Variants in MYO3B observed in about 807,000 individuals in gnomAD.
The protein encoded by MYO3B is myosin IIIB.
Under a neutral mutation model 174.6 loss-of-function variants are expected in MYO3B, and 156 were observed. The observed-to-expected ratio is 0.89, with a 90% CI of 0.78 to 1.02. The LOEUF is 1.02. Among genes scored for constraint, MYO3B ranks in the 50% least tolerant of loss-of-function variants. The pLI is 0.00. For synonymous variants in MYO3B, 563 were observed against 569.1 expected (o/e 0.99, Z 0.15); for missense variants, 1,632 against 1,639.4 (o/e 1.00, Z 0.08).
At chr2:170,611,932 G>T (rs1324628968) in intron 32 of MYO3B, among the ~76,000 whole-genome samples, 2 of 151,982 alleles carry the variant, frequency 1.3e-5, no homozygotes, top group Non-Finnish European at 2.9e-5. Context: ...TTTCCTCCTT[G>T]GCCCAAAAAT....
chr2:170,409,010 T>G (rs2094528751), intron 22 of MYO3B, among the ~76,000 whole-genome samples: 1 of 152,082 alleles, frequency 6.6e-6, no homozygotes, highest in Non-Finnish European at 1.5e-5. Flanking sequence ...GACCCAGGGA[T>G]GTAGACTCCT....
At chr2:170,322,113 GAAA>G (rs56152648) in intron 7 of MYO3B, among the ~76,000 whole-genome samples, 21 of 86,000 alleles carry the variant, frequency 2.4e-4, no homozygotes, top group African/African-American at 8.0e-4. Flanking sequence ...ACTCCGTCTC[GAAA>G]AAAAAAAAAA....
At chr2:170,268,277 C>T (rs2093399415) in intron 7 of MYO3B, among the ~76,000 whole-genome samples, 1 of 152,082 alleles carries the variant, frequency 6.6e-6, no homozygotes, top group South Asian at 2.1e-4. Context: ...AAGTAGGATC[C>T]TGTTGACTGT....
At chr2:170,589,902 C>T (rs1693716895) in intron 32 of MYO3B, among the ~76,000 whole-genome samples, 1 of 152,160 alleles carries the variant, frequency 6.6e-6, no homozygotes, top group South Asian at 2.1e-4. Flanking sequence ...TACAGAGGTA[C>T]CATTTTTTAT....
At chr2:170,571,450 G>A (rs1692434115) in intron 32 of MYO3B, among the ~76,000 whole-genome samples, 1 of 152,112 alleles carries the variant, frequency 6.6e-6, no homozygotes, top group Admixed American at 6.5e-5. Flanking sequence ...CAGGAGATGA[G>A]CTGGAGAGAG....
At chr2:170,182,840 C>T (rs1222342939) in intron 1 of MYO3B, among the ~76,000 whole-genome samples, 2 of 152,010 alleles carry the variant, frequency 1.3e-5, no homozygotes, top group Non-Finnish European at 2.9e-5. Flanking sequence ...AACTCCTGAC[C>T]TCAAGTGATC....
intron 18 of MYO3B, among the ~76,000 whole-genome samples, chr2:170,402,006 A>G (rs1457331043): frequency 6.6e-6 from 1 of 152,108 alleles, no homozygotes; most frequent in East Asian, 1.9e-4. Flanking sequence ...AGTGAGATCC[A>G]GGACAGTTGA....
intron 32 of MYO3B, among the ~76,000 whole-genome samples, chr2:170,547,963 C>T (rs1435251308): frequency 6.6e-6 from 1 of 151,678 alleles, no homozygotes; most frequent in African/African-American, 2.4e-5. Context: ...GGTTTGTAGC[C>T]GGGCGTGGTG....
intron 16 of MYO3B, among the ~76,000 whole-genome samples, chr2:170,393,617 A>G (rs2094427795): frequency 6.6e-6 from 1 of 152,172 alleles, no homozygotes; most frequent in African/African-American, 2.4e-5. Flanking sequence ...AAGGGATTAG[A>G]TTACAAGACA....
chr2:170,497,029 C>T, intron 25 of MYO3B, among the ~76,000 whole-genome samples: 1 of 152,022 alleles, frequency 6.6e-6, no homozygotes. Flanking sequence ...GACACACCAC[C>T]CCCAAATATG....
intron 32 of MYO3B, among the ~76,000 whole-genome samples, chr2:170,619,737 C>CCTTTTTTTTTT (rs1695739656): frequency 2.0e-5 from 1 of 50,778 alleles, no homozygotes; most frequent in African/African-American, 8.3e-5. Flanking sequence ...CTGCCATATT[C>CCTTTTTTTTTT]TTTTTTTTTT....
At chr2:170,624,104 G>T (rs1000440802) in intron 32 of MYO3B, among the ~76,000 whole-genome samples, 21 of 152,128 alleles carry the variant, frequency 1.4e-4, no homozygotes, top group African/African-American at 5.1e-4. Context: ...TTCCAATTCT[G>T]TGAAGAAAGT....
chr2:170,632,682 A>G (rs1697112255), intron 32 of MYO3B, among the ~76,000 whole-genome samples: 3 of 152,210 alleles, frequency 2.0e-5, no homozygotes, highest in African/African-American at 4.8e-5. Context: ...CAAAAAAACC[A>G]ACGAATCCAG....
chr2:170,364,277 A>G (rs1050949238), intron 8 of MYO3B, among the ~76,000 whole-genome samples: 1 of 68,216 alleles, frequency 1.5e-5, no homozygotes, highest in African/African-American at 3.4e-5. Context: ...GGGCTCAAAT[A>G]GAATTAAACT....
rs1692820020 is a variant in MYO3B, at chr2:170,576,869, A to G, written c.3733+32881A>G. On this transcript the variant is annotated intron_variant, in intron 32 of 34. Coordinates refer to ENST00000408978, the MANE Select transcript of MYO3B (RefSeq NM_138995.5). ...GGGTCTGAATCACCAGCGGTTCTGC[A>G]GATTTCTGCTTGCTGTAGTTTTCTG... 2.0e-5 allele frequency among the ~76,000 whole-genome samples: 3 copies of G among 152,144 alleles called. No homozygotes were observed. The South Asian group carries it at 6.2e-4, about 32-fold the overall frequency.
chr2:170,478,773 G>C (rs542113207), intron 25 of MYO3B, among the ~76,000 whole-genome samples: 32 of 149,908 alleles, frequency 2.1e-4, no homozygotes, highest in Non-Finnish European at 4.3e-4. Context: ...GTTTCACCAT[G>C]TTGGCCAGGC....
chr2:170,234,174 AAAAAAAAAAAAAACAAAACAAAAC>A (rs1364596559), intron 6 of MYO3B, among the ~76,000 whole-genome samples: 2 of 79,332 alleles, frequency 2.5e-5, no homozygotes, highest in African/African-American at 1.3e-4. Flanking sequence ...CCGTCTCAAA[AAAAAAAAAAAAAACAAAACAAAAC>A]AAAAAAAAAA....
intron 25 of MYO3B, among the ~76,000 whole-genome samples, chr2:170,484,485 A>G (rs1461211872): frequency 3.3e-5 from 5 of 152,196 alleles, no homozygotes; most frequent in South Asian, 2.1e-4. Context: ...TCAATTTCCA[A>G]TTCCCAGTGT....
chr2:170,650,809 G>A (rs916989011), intron 32 of MYO3B, among the ~76,000 whole-genome samples: 10 of 148,582 alleles, frequency 6.7e-5, no homozygotes, highest in African/African-American at 2.2e-4. Context: ...TCAGCCTCCC[G>A]AGTAGCTGGG....
Sources: gnomAD v4.1 joint callset for allele counts (sites outside exome capture counted in the v4.1 genomes callset) on GRCh38, gnomAD v4.1.1 for gene constraint, MANE v1.5 for transcripts, NCBI Gene and HGNC (gene_info 2026-07-23, HGNC 2026-07-21) for gene names.